ITFG1: variants seen among roughly 807,000 people sequenced by gnomAD.
The protein encoded by ITFG1 is integrin alpha FG-GAP repeat containing 1, also known as T-cell immunomodulatory protein.
Under a neutral mutation model 81.8 loss-of-function variants are expected in ITFG1, and 34 were observed. That is an observed-to-expected ratio of 0.42 (90% CI 0.32 to 0.55). The LOEUF is 0.55. ITFG1 is among the 20% of genes least tolerant of loss of function. ITFG1 has a pLI of 0.17. For synonymous variants in ITFG1, 285 were observed against 270.6 expected (o/e 1.05, Z -0.52); for missense variants, 672 against 755.4 (o/e 0.89, Z 1.29).
In ITFG1 at chr16:47,219,039, A is replaced by G. The variant is rs1965660052; in HGVS notation, c.1375-93T>C. ...CTCTTTCAAAGCAAAAAATTCTTAC[A>G]CAGATGACAGTTACTTAGAGACCCC... On this transcript the variant is annotated intron_variant, in intron 13 of 17. Transcript: ENST00000320640. 5.6e-6 allele frequency: 4 copies of G among 711,014 alleles called. No individual in the cohort carries two copies. In the South Asian group the frequency reaches 9.2e-5, roughly 16 times the overall value. 44.0% of individuals were successfully genotyped at this position (711,014 alleles called of 1,614,324 possible).
intron 6 of ITFG1, among the ~76,000 whole-genome samples, chr16:47,399,116 G>A (rs774422101): frequency 2.6e-5 from 4 of 152,088 alleles, no homozygotes; most frequent in Non-Finnish European, 5.9e-5. Context: ...TAAATTAACT[G>A]GTATCATCTA....
At chr16:47,434,811 T>C (rs1022145814) in intron 5 of ITFG1, among the ~76,000 whole-genome samples, 3 of 152,136 alleles carry the variant, frequency 2.0e-5, no homozygotes, top group Non-Finnish European at 4.4e-5. Flanking sequence ...ATGTGGTACA[T>C]GTATACACCA....
At chr16:47,325,398 C>T (rs571685598) in intron 8 of ITFG1, among the ~76,000 whole-genome samples, 18 of 152,242 alleles carry the variant, frequency 1.2e-4, no homozygotes, top group African/African-American at 3.1e-4. Flanking sequence ...GACACCCTAA[C>T]ATCACAATTA....
At chr16:47,316,658 C>T (rs1277022301) in intron 8 of ITFG1, among the ~76,000 whole-genome samples, 1 of 152,184 alleles carries the variant, frequency 6.6e-6, no homozygotes, top group African/African-American at 2.4e-5. Flanking sequence ...TTAATAGCCT[C>T]CTTTCATTTG....
intron 6 of ITFG1, among the ~76,000 whole-genome samples, chr16:47,422,501 C>T (rs183414978): frequency 7.0e-4 from 106 of 152,268 alleles, no homozygotes; most frequent in Admixed American, 6.9e-3. Context: ...TGATGCTGGC[C>T]TTATAAAATG....
intron 14 of ITFG1, among the ~76,000 whole-genome samples, chr16:47,203,387 G>C (rs1401396492): frequency 2.0e-5 from 3 of 152,158 alleles, no homozygotes; most frequent in African/African-American, 4.8e-5. Context: ...GATGATTCAA[G>C]CACATTACAT....
intron 10 of ITFG1, among the ~76,000 whole-genome samples, chr16:47,285,255 C>T (rs942999300): frequency 6.6e-6 from 1 of 152,148 alleles, no homozygotes; most frequent in Admixed American, 6.6e-5. Context: ...TCCATAAAAA[C>T]CCAAAAGGAA....
intron 14 of ITFG1, among the ~76,000 whole-genome samples, chr16:47,212,383 T>A (rs1444127987): frequency 1.3e-5 from 2 of 152,082 alleles, no homozygotes; most frequent in Non-Finnish European, 2.9e-5. Flanking sequence ...CTGGCTTATT[T>A]AAAAAAATTT....
chr16:47,423,901 G>A (rs1237798520), intron 6 of ITFG1, among the ~76,000 whole-genome samples: 1 of 152,160 alleles, frequency 6.6e-6, no homozygotes, highest in African/African-American at 2.4e-5. Context: ...TGACAATTAT[G>A]TGTCTTGGGG....
At chr16:47,428,762 C>T in intron 6 of ITFG1, 42 bp downstream of exon 6, 1 of 1,184,658 alleles carries the variant, frequency 8.4e-7, no homozygotes, top group South Asian at 1.2e-5. Context: ...TCCCATACTT[C>T]TTTGGTAACT....
chr16:47,461,119 C>A, upstream of ITFG1: 1 of 1,373,912 alleles, frequency 7.3e-7, no homozygotes, highest in Admixed American at 2.6e-5. Flanking sequence ...CGTTACCGGC[C>A]GAGAGAGTGG....
At chr16:47,418,923 G>C (rs578092895) in intron 6 of ITFG1, among the ~76,000 whole-genome samples, 1 of 152,124 alleles carries the variant, frequency 6.6e-6, no homozygotes, top group Admixed American at 6.5e-5. Flanking sequence ...TCCTATTTCT[G>C]TGAAGAATGC....
In ITFG1 at chr16:47,308,782, C is replaced by G. The variant is rs1279314077; in HGVS notation, c.1070+2458G>C. ...GAGTGTGCTTCTTTGCTGCCAAAAACTTTTTTTATTTTTAGCTACTTCTAG... is the reference window on the plus strand; with the variant it reads ...GAGTGTGCTTCTTTGCTGCCAAAAAGTTTTTTTATTTTTAGCTACTTCTAG... On this transcript the variant is annotated intron_variant, in intron 10 of 17. Transcript: ENST00000320640. Among the ~76,000 whole-genome samples the G allele has an allele frequency of 2.0e-5, 3 of 152,164 alleles. No individual in the cohort carries two copies. In the East Asian group the frequency reaches 5.8e-4, roughly 29 times the overall value.
chr16:47,221,487 A>G (rs968560899), intron 13 of ITFG1, among the ~76,000 whole-genome samples: 1 of 152,146 alleles, frequency 6.6e-6, no homozygotes, highest in Admixed American at 6.5e-5. Context: ...TCGGTTTGCC[A>G]GTATTTTTTG....
At chr16:47,230,051 G>A (rs1965798441) in intron 13 of ITFG1, among the ~76,000 whole-genome samples, 2 of 152,134 alleles carry the variant, frequency 1.3e-5, no homozygotes, top group Non-Finnish European at 2.9e-5. Flanking sequence ...AGGTACGTAC[G>A]TGTAGGAAAA....
chr16:47,349,263 GGC>G (rs1237924196), intron 8 of ITFG1, among the ~76,000 whole-genome samples: 1 of 152,138 alleles, frequency 6.6e-6, no homozygotes, highest in Non-Finnish European at 1.5e-5. Flanking sequence ...GGCACGGACT[GGC>G]AAATTGGATA....
intron 14 of ITFG1, among the ~76,000 whole-genome samples, chr16:47,207,123 C>G (rs1197490946): frequency 1.3e-5 from 2 of 152,170 alleles, no homozygotes; most frequent in Non-Finnish European, 2.9e-5. Context: ...CGCTCTGTCG[C>G]CCAGGCTGGA....
At chr16:47,209,666 T>A (rs572686404) in intron 14 of ITFG1, among the ~76,000 whole-genome samples, 54 of 152,264 alleles carry the variant, frequency 3.5e-4, no homozygotes, top group African/African-American at 1.0e-3. Context: ...ACCACAAGGA[T>A]CCCTCATACT....
chr16:47,165,214 A>C lies in ITFG1; in HGVS notation c.1454-2550T>G, dbSNP rs145424556. 5.8e-3 allele frequency among the ~76,000 whole-genome samples: 881 copies of C among 152,326 alleles called. 3 individuals carry two copies. The highest frequency in any genetic ancestry group is 0.012 in the Admixed American group (181 of 15,310). ...AACTTAACATTTAAATGACAAAGTT[A>C]ATTAATATATAAATATTTTAATATT... is the stretch of plus-strand genomic sequence containing the variant. On this transcript the variant is annotated intron_variant, in intron 14 of 17. Coordinates refer to ENST00000320640, the MANE Select transcript of ITFG1 (RefSeq NM_030790.5).
Sources: gnomAD v4.1 joint callset for allele counts (sites outside exome capture counted in the v4.1 genomes callset) on GRCh38, gnomAD v4.1.1 for gene constraint, MANE v1.5 for transcripts, NCBI Gene and HGNC (gene_info 2026-07-23, HGNC 2026-07-21) for gene names.